The following ATP13A4 variants were observed in gnomAD, a reference collection of about 807,000 sequenced individuals.
ATP13A4 encodes probable cation-transporting ATPase 13A4.
A neutral mutation model predicts 142.5 loss-of-function variants in ATP13A4; 114 were observed. The observed-to-expected ratio is 0.80, with a 90% CI of 0.69 to 0.93. The LOEUF (loss-of-function observed/expected upper bound fraction) is 0.93, where lower values mean the gene tolerates loss of function less well. Ranked by LOEUF, ATP13A4 falls within the 40% of genes least tolerant of loss-of-function variation. ATP13A4 has a pLI of 0.00. For synonymous variants in ATP13A4, 488 were observed against 514.8 expected, an observed-to-expected ratio of 0.95 and a Z score of 0.70; for missense variants, 1,392 against 1,454.0, an observed-to-expected ratio of 0.96 and a Z score of 0.69.
intron 1 of ATP13A4, chr3:193,553,309 T>C (rs1723694717): frequency 6.6e-6 from 1 of 152,210 alleles, no homozygotes; most frequent in African/African-American, 2.4e-5. Flanking sequence ...CCTACAACCA[T>C]GAATGTCTTC....
chr3:193,573,020 C>T (rs1724302534), intron 2 of ATP13A4, among the ~76,000 whole-genome samples: 3 of 85,588 alleles, frequency 3.5e-5, no homozygotes. Context: ...CCTGTGGTCC[C>T]AGTTACTCGG....
intron 1 of ATP13A4, among the ~76,000 whole-genome samples, chr3:193,591,955 T>C (rs963101418): frequency 2.6e-5 from 4 of 152,034 alleles, no homozygotes; most frequent in African/African-American, 9.7e-5. Context: ...GGACCTGCCA[T>C]TGAAACAGTC....
intron 8 of ATP13A4, among the ~76,000 whole-genome samples, chr3:193,475,066 C>T (rs182691280): frequency 6.6e-6 from 1 of 152,040 alleles, no homozygotes; most frequent in Non-Finnish European, 1.5e-5. Context: ...CTGGCACAAT[C>T]TTTATGGAGA....
intron 25 of ATP13A4, among the ~76,000 whole-genome samples, chr3:193,428,017 G>A (rs1236343638): frequency 6.6e-6 from 1 of 152,016 alleles, no homozygotes; most frequent in Non-Finnish European, 1.5e-5. Context: ...TATACAATGG[G>A]AGAAAATTTT....
chr3:193,454,145 G>T lies in ATP13A4; in HGVS notation c.1983C>A (p.Ala661=), dbSNP rs140950738. 4.3e-6 allele frequency: 7 copies of T among 1,613,950 alleles called. No homozygotes were observed. The African/African-American group carries it at 9.3e-5, about 22-fold the overall frequency. The part of the protein sequence containing the change: ...TTQGFRVIAL[A]YKKLENDHHA... The stretch of plus-strand genomic sequence containing the variant: ...GATGGTCATTTTCCAGCTTCTTGTA[G>T]GCCAGTGCTATGACTCGGAAGCCCT... The change falls in exon 17 of 30, where the codon GCC becomes GCA. Residue 661 remains alanine (A), a synonymous_variant. Coordinates refer to ENST00000342695, the MANE Select transcript of ATP13A4 (RefSeq NM_032279.4).
At chr3:193,497,392 G>A (rs148490820) in intron 3 of ATP13A4, among the ~76,000 whole-genome samples, 2 of 152,218 alleles carry the variant, frequency 1.3e-5, no homozygotes, top group Admixed American at 6.5e-5. Flanking sequence ...CAGTTAGAAT[G>A]CTATTATCAA....
At position 193,452,898 on chromosome 3, in the gene ATP13A4, A is replaced by C. The variant is rs999712092; in HGVS notation, c.2027+1203T>G. On this transcript the variant is annotated intron_variant, in intron 17 of 29. Coordinates refer to ENST00000342695, the MANE Select transcript of ATP13A4 (RefSeq NM_032279.4). Reference sequence around the variant, plus strand: ...TATTTTTCACACTTATATTCTTTTGAATTTTGCAGAAATGTAACTACCTGT... The same window carrying C: ...TATTTTTCACACTTATATTCTTTTGCATTTTGCAGAAATGTAACTACCTGT... 8.6e-5 allele frequency among the ~76,000 whole-genome samples: 13 copies of C among 151,970 alleles called. No individual in the cohort carries two copies. In the East Asian group the frequency reaches 2.5e-3, roughly 29 times the overall value.
chr3:193,580,782 T>C (rs1408744649), intron 2 of ATP13A4, among the ~76,000 whole-genome samples: 1 of 152,126 alleles, frequency 6.6e-6, no homozygotes, highest in East Asian at 1.9e-4. Flanking sequence ...TGACATTGGC[T>C]TAAAAGATTA....
chr3:193,474,380 C>T (rs1266293784), intron 8 of ATP13A4, among the ~76,000 whole-genome samples: 1 of 148,864 alleles, frequency 6.7e-6, no homozygotes, highest in Non-Finnish European at 1.5e-5. Context: ...CACAGTAGAC[C>T]CCATCTGTAC....
At chr3:193,569,696 T>TA (rs202189312) in intron 2 of ATP13A4, among the ~76,000 whole-genome samples, 4 of 150,646 alleles carry the variant, frequency 2.7e-5, no homozygotes, top group South Asian at 4.2e-4. Flanking sequence ...CTCAGCTAAT[T>TA]AAAAAAAAAA....
intron 2 of ATP13A4, among the ~76,000 whole-genome samples, chr3:193,568,746 A>G (rs1724194931): frequency 1.3e-5 from 2 of 152,196 alleles, no homozygotes; most frequent in Non-Finnish European, 2.9e-5. Context: ...AGAACATAAA[A>G]AAGTGCTTAA....
Position 193,484,300 on chromosome 3 carries a change from ACT to A in ATP13A4, c.739-297_739-296del, listed in dbSNP as rs1412485386. On this transcript the variant is annotated intron_variant, in intron 7 of 29. Transcript: ENST00000342695. ...ACTCCAGCCTGGGCGACAGAACAAG[ACT>A]CTGTCTCAAAATAAATAAATAAATA... 4.7e-5 allele frequency among the ~76,000 whole-genome samples: 7 copies of A among 148,298 alleles called. No individual in the cohort carries two copies. In the East Asian group the frequency reaches 1.4e-3, roughly 29 times the overall value.
chr3:193,406,113 T>C (rs953056001), intron 29 of ATP13A4, among the ~76,000 whole-genome samples: 4 of 152,212 alleles, frequency 2.6e-5, no homozygotes, highest in African/African-American at 4.8e-5. Flanking sequence ...CTTCCAGGCC[T>C]ACTGAATCAG....
At chr3:193,548,254 T>C (rs970943778) in intron 1 of ATP13A4, among the ~76,000 whole-genome samples, 2 of 152,178 alleles carry the variant, frequency 1.3e-5, no homozygotes, top group Admixed American at 6.5e-5. Flanking sequence ...GTTCTCAGAA[T>C]GCAAAATTGC....
intron 12 of ATP13A4, among the ~76,000 whole-genome samples, chr3:193,463,424 T>TAAAA (rs11336311): frequency 1.0e-5 from 1 of 95,980 alleles, no homozygotes; most frequent in Non-Finnish European, 2.1e-5. Context: ...TGCTATTTGG[T>TAAAA]AAAAAAAAAA....
At position 193,435,743 on chromosome 3, in the gene ATP13A4, C is replaced by T; in HGVS notation, c.2674G>A (p.Glu892Lys). ...NIECVPHLIK[E>K]GRAALVTSFC... ...GAGGTAACGAGAGCTGCACGTCCTT[C>T]CCTGTGTAAGAAAAGAAATGATAAA... is the stretch of plus-strand genomic sequence containing the variant. Residue 892 changes from glutamate (E) to lysine (K), a missense_variant and splice_region_variant, in exon 24 of 30, where the codon GAA becomes AAA. Coordinates refer to ENST00000342695, the MANE Select transcript of ATP13A4 (RefSeq NM_032279.4). The T allele has an allele frequency of 1.9e-6, 3 of 1,611,438 alleles. No individual in the cohort carries two copies. Among genetic ancestry groups the T allele is most frequent in the Non-Finnish European group, 1.7e-6 (2 of 1,177,708 alleles).
At chr3:193,561,583 T>C (rs1262168921) in intron 2 of ATP13A4, among the ~76,000 whole-genome samples, 2 of 152,132 alleles carry the variant, frequency 1.3e-5, no homozygotes, top group Non-Finnish European at 2.9e-5. Flanking sequence ...CTAAGCAAAC[T>C]GGTAATGGGA....
At chr3:193,541,208 C>T (rs1458857655) in intron 1 of ATP13A4, among the ~76,000 whole-genome samples, 1 of 139,186 alleles carries the variant, frequency 7.2e-6, no homozygotes, top group Admixed American at 7.5e-5. Context: ...GAGATCGAGC[C>T]ACTGCACTCC....
intron 3 of ATP13A4, 74 bp from the exon 4 acceptor site, chr3:193,493,234 A>C: frequency 7.9e-7 from 1 of 1,269,024 alleles, no homozygotes; most frequent in Non-Finnish European, 1.1e-6. Flanking sequence ...TGGCTAAAGA[A>C]GCATTTGTTT....
Sources: gnomAD v4.1 joint callset for allele counts (sites outside exome capture counted in the v4.1 genomes callset) on GRCh38, gnomAD v4.1.1 for gene constraint, MANE v1.5 for transcripts, NCBI Gene and HGNC (gene_info 2026-07-23, HGNC 2026-07-21) for gene names.